LRRC7: variants seen among roughly 807,000 people sequenced by gnomAD.
LRRC7 encodes the protein leucine rich repeat containing 7.
A neutral mutation model predicts 175.7 loss-of-function variants in LRRC7; 23 were observed. That is an observed-to-expected ratio of 0.13 (90% CI 0.09 to 0.19). The LOEUF is 0.19. Ranked by LOEUF, LRRC7 falls within the 10% of genes least tolerant of loss-of-function variation. The pLI, the probability that LRRC7 is intolerant of heterozygous loss-of-function variation, is 1.00. For synonymous variants in LRRC7, 685 were observed against 680.9 expected (o/e 1.01, Z -0.09); for missense variants, 1,354 against 1,904.7 (o/e 0.71, Z 5.38).
intron 8 of LRRC7, among the ~76,000 whole-genome samples, chr1:69,970,106 A>G (rs748714730): frequency 6.6e-6 from 1 of 152,194 alleles, no homozygotes; most frequent in Non-Finnish European, 1.5e-5. Flanking sequence ...ACAACCTATC[A>G]AAACCTCTGG....
chr1:70,116,240 T>C (rs1382893121), intron 26 of LRRC7, among the ~76,000 whole-genome samples: 1 of 152,194 alleles, frequency 6.6e-6, no homozygotes, highest in Non-Finnish European at 1.5e-5. Flanking sequence ...AGTACATGTG[T>C]GTACTTAACA....
chr1:69,721,005 C>T (rs940423674), intron 2 of LRRC7, among the ~76,000 whole-genome samples: 2 of 151,762 alleles, frequency 1.3e-5, no homozygotes, highest in African/African-American at 4.8e-5. Flanking sequence ...CTAGTACAGA[C>T]TAATGTATCC....
intron 7 of LRRC7, among the ~76,000 whole-genome samples, chr1:69,903,331 C>T (rs756766654): frequency 1.2e-4 from 18 of 152,206 alleles, no homozygotes; most frequent in African/African-American, 2.4e-4. Flanking sequence ...AGAGGGCGAG[C>T]GGAAGCAGGG....
rs773663846 is a variant in LRRC7 at position 70,038,452 on chromosome 1, T to G, written c.2628T>G (p.Pro876=). 2.5e-6 allele frequency: 4 copies of G among 1,614,160 alleles called. No individual in the cohort carries two copies. The highest frequency in any genetic ancestry group is 3.4e-6 in the Non-Finnish European group (4 of 1,180,000). Residue 876 remains proline (P), a synonymous_variant, in exon 21 of 27, where the codon CCT becomes CCG. Coordinates refer to ENST00000651989, the MANE Select transcript of LRRC7 (RefSeq NM_001370785.2). ...HRHTPETEVP[P]SNPWQNWTRT... ...ACACACCAGAAACAGAAGTGCCTCCTTCCAATCCTTGGCAGAATTGGACCA... is the reference window on the plus strand; with the variant it reads ...ACACACCAGAAACAGAAGTGCCTCCGTCCAATCCTTGGCAGAATTGGACCA...
intron 17 of LRRC7, among the ~76,000 whole-genome samples, chr1:70,025,335 A>G (rs1490272853): frequency 6.6e-6 from 1 of 151,500 alleles, no homozygotes. Flanking sequence ...ATAATAAATT[A>G]AATATCCCTG....
intron 1 of LRRC7, among the ~76,000 whole-genome samples, chr1:69,623,098 C>T (rs1453695146): frequency 6.6e-6 from 1 of 152,112 alleles, no homozygotes; most frequent in East Asian, 1.9e-4. Context: ...GCCTTTTACC[C>T]GTATCCTAAG....
chr1:69,859,938 T>A (rs1185299285), intron 7 of LRRC7, among the ~76,000 whole-genome samples: 1 of 152,006 alleles, frequency 6.6e-6, no homozygotes, highest in Non-Finnish European at 1.5e-5. Context: ...TAAATTGAAC[T>A]AAGTGATGTG....
At chr1:69,789,908 G>C (rs981836796) in intron 3 of LRRC7, among the ~76,000 whole-genome samples, 24 of 152,082 alleles carry the variant, frequency 1.6e-4, no homozygotes, top group Middle Eastern at 3.4e-3. Context: ...ATGCTTTACT[G>C]TGTGACAAAC....
Position 70,089,751 on chromosome 1 carries a change from C to A in LRRC7, c.4477C>A (p.Pro1493Thr). 6.2e-7 allele frequency: 1 copy of A among 1,609,126 alleles called. No homozygotes were observed. Among genetic ancestry groups the A allele is most frequent in the South Asian group, 1.1e-5 (1 of 90,506 alleles). Reference sequence around the variant, plus strand: ...GTTTTGTGTGAGAATAGAAAAGAATCCTGGCCTTGGATTTAGTATCAGTGG... The same window carrying A: ...GTTTTGTGTGAGAATAGAAAAGAATACTGGCCTTGGATTTAGTATCAGTGG... The part of the protein sequence containing the change: ...EQFCVRIEKN[P>T]GLGFSISGGI... Residue 1493 changes from proline (P) to threonine (T), a missense_variant, in exon 25 of 27, where the codon CCT becomes ACT. By Grantham distance (38) the Pro-to-Thr change is conservative. Transcript: ENST00000651989.
intron 1 of LRRC7, among the ~76,000 whole-genome samples, chr1:69,605,865 AT>A (rs1647468942): frequency 6.6e-6 from 1 of 152,102 alleles, no homozygotes; most frequent in Non-Finnish European, 1.5e-5. Flanking sequence ...TTATAGGGTT[AT>A]TTTAGGACTC....
chr1:69,888,272 T>G lies in LRRC7; in HGVS notation c.648-43235T>G, dbSNP rs894994989. On this transcript the variant is annotated intron_variant, in intron 7 of 26. Coordinates refer to ENST00000651989, the MANE Select transcript of LRRC7 (RefSeq NM_001370785.2). ...CTGCTGTGCTAGCAATCAGCGAGAC[T>G]CTGTGGGCGTAGGACCCTCGGATCC... 1.1e-4 allele frequency among the ~76,000 whole-genome samples: 17 copies of G among 152,288 alleles called. 1 individual carries two copies. Among genetic ancestry groups the G allele is most frequent in the African/African-American group, 3.9e-4 (16 of 41,558 alleles).
At chr1:69,980,929 C>T (rs927643240) in intron 9 of LRRC7, among the ~76,000 whole-genome samples, 1 of 152,030 alleles carries the variant, frequency 6.6e-6, no homozygotes, top group Non-Finnish European at 1.5e-5. Context: ...TTGAAAATGG[C>T]AAGGATCATA....
chr1:70,080,797 T>C (rs1280564625), intron 24 of LRRC7, among the ~76,000 whole-genome samples: 11 of 152,098 alleles, frequency 7.2e-5, no homozygotes, highest in Admixed American at 5.2e-4. Flanking sequence ...ACAAACATAA[T>C]AGAGGGTAAA....
At chr1:69,702,285 CAG>C (rs1197904138) in intron 2 of LRRC7, among the ~76,000 whole-genome samples, 1 of 152,156 alleles carries the variant, frequency 6.6e-6, no homozygotes, top group Admixed American at 6.6e-5. Context: ...TCAAGCAAGA[CAG>C]AACACATCAT....
intron 7 of LRRC7, among the ~76,000 whole-genome samples, chr1:69,846,744 G>A (rs1682413877): frequency 6.6e-6 from 1 of 151,764 alleles, no homozygotes; most frequent in South Asian, 2.1e-4. Flanking sequence ...TGAAAATAAG[G>A]CTTATTATCA....
At chr1:69,778,989 TATATATACAC>T (rs1442824187) in intron 3 of LRRC7, among the ~76,000 whole-genome samples, 1 of 127,238 alleles carries the variant, frequency 7.9e-6, no homozygotes, top group East Asian at 2.3e-4. Flanking sequence ...CACACACTCA[TATATATACAC>T]ATATATACAC....
rs1296344405 is a variant in LRRC7 at position 70,129,355 on chromosome 1, A to T, written c.*7468A>T. Among the ~76,000 whole-genome samples the T allele has an allele frequency of 3.3e-5, 5 of 152,176 alleles. No individual in the cohort carries two copies. The highest frequency in any genetic ancestry group is 1.2e-4 in the African/African-American group (5 of 41,448). ...GTGGCAAGTGTGAATGCCTTGCTAG[A>T]CAAGATAAATAGCAACCAGAATCTC... is the stretch of plus-strand genomic sequence containing the variant. On this transcript the variant is annotated 3_prime_UTR_variant, in exon 27 of 27. Transcript: ENST00000651989.
At chr1:70,090,563 A>G (rs574766861) in intron 25 of LRRC7, among the ~76,000 whole-genome samples, 4 of 152,186 alleles carry the variant, frequency 2.6e-5, no homozygotes, top group South Asian at 2.1e-4. Context: ...TGCTACCATC[A>G]GTGTTTAATA....
intron 8 of LRRC7, among the ~76,000 whole-genome samples, chr1:69,965,180 C>T (rs1001157532): frequency 2.6e-5 from 4 of 152,200 alleles, no homozygotes; most frequent in Non-Finnish European, 5.9e-5. Flanking sequence ...TTCACATGTA[C>T]TTCTGCTTCT....
Sources: gnomAD v4.1 joint callset for allele counts (sites outside exome capture counted in the v4.1 genomes callset) on GRCh38, gnomAD v4.1.1 for gene constraint, MANE v1.5 for transcripts, NCBI Gene and HGNC (gene_info 2026-07-23, HGNC 2026-07-21) for gene names.